Variants in DYNC1H1 observed in about 807,000 individuals in gnomAD.
DYNC1H1 encodes dynein cytoplasmic 1 heavy chain 1.
In DYNC1H1, 51 loss-of-function variants were observed where a neutral mutation model predicts 527.1. The ratio of observed to expected loss-of-function variants is 0.10; its 90% CI spans 0.08 to 0.12. DYNC1H1 has a LOEUF of 0.12. DYNC1H1 is among the 10% of genes least tolerant of loss of function. DYNC1H1 has a pLI of 1.00. For missense variants in DYNC1H1, 2,771 were observed against 5,971.8 expected, an observed-to-expected ratio of 0.46 and a Z score of 17.66; for synonymous variants, 2,189 against 2,278.8, an observed-to-expected ratio of 0.96 and a Z score of 1.12.
intron 1 of DYNC1H1, among the ~76,000 whole-genome samples, chr14:101,972,835 A>G (rs923839856): frequency 5.3e-5 from 8 of 152,190 alleles, no homozygotes; most frequent in Non-Finnish European, 1.2e-4. Flanking sequence ...TTTTGATGGC[A>G]TATTTTATAT....
At position 102,039,203 on chromosome 14, in the gene DYNC1H1, G is replaced by T. The variant is rs17512783; in HGVS notation, c.11409G>T (p.Pro3803=). ...AGACCGTGTCCCAGCAGTACCTCCC[G>T]CTCTCCACCGCCTGCAGCAGCATCT... is the stretch of plus-strand genomic sequence containing the variant. ...EVETVSQQYL[P]LSTACSSIYF... Residue 3803 remains proline (P), a synonymous_variant, in exon 60 of 78, where the codon CCG becomes CCT. Coordinates refer to ENST00000360184, the MANE Select transcript of DYNC1H1 (RefSeq NM_001376.5). This position sits in a 1 kb window ranked among gnomAD's most constrained non-coding sequence, Gnocchi z 7.0. 37 of 1,613,922 alleles carry T rather than the reference G, an allele frequency of 2.3e-5. No homozygotes were observed. The highest frequency in any genetic ancestry group is 1.0e-5 in the Non-Finnish European group (12 of 1,180,026).
At chr14:102,007,519 CA>C (rs1427633931) in intron 28 of DYNC1H1, among the ~76,000 whole-genome samples, 12 of 152,156 alleles carry the variant, frequency 7.9e-5, no homozygotes, top group Non-Finnish European at 1.6e-4. Flanking sequence ...TTACATCTGT[CA>C]TGATAACGGC....
rs184850570 is a variant in DYNC1H1, at chr14:102,050,801, C to T, written c.*238C>T. On this transcript the variant is annotated 3_prime_UTR_variant, in exon 78 of 78. Transcript: ENST00000360184. ...TAAAACACTAAGCATGAGCCGGCTC[C>T]GCCTCTTCTGTCTCCGCTTTCATCC... The T allele has an allele frequency of 8.8e-5, 48 of 542,862 alleles. No homozygotes were observed. Among genetic ancestry groups the T allele is most frequent in the African/African-American group, 4.0e-4 (21 of 52,544 alleles). The allele number at this position is 542,862 out of a possible 1,614,324, so 33.6% of individuals were successfully genotyped here.
Position 101,985,636 on chromosome 14 carries a change from T to C in DYNC1H1, c.1462-51T>C. The C allele has an allele frequency of 6.2e-7, 1 of 1,607,748 alleles. No homozygotes were observed. Among genetic ancestry groups the C allele is most frequent in the South Asian group, 1.1e-5 (1 of 90,898 alleles). The stretch of plus-strand genomic sequence containing the variant: ...ACTGCACCCGGCTTAAAATAAATTT[T>C]AAAGCCTTCGTTTGGTCAGCATTTC... On this transcript the variant is annotated intron_variant, in intron 7 of 77. Transcript: ENST00000360184. The surrounding 1 kb of genome is among the most constrained non-coding windows in gnomAD (Gnocchi z 5.9).
intron 55 of DYNC1H1, 64 bp downstream of exon 55, chr14:102,034,252 C>A: frequency 6.2e-7 from 1 of 1,614,152 alleles, no homozygotes; most frequent in Non-Finnish European, 8.5e-7. Flanking sequence ...GTGTTTAGTG[C>A]ACAGTTAGAG....
chr14:102,022,129 C>CT (rs1396570710), intron 42 of DYNC1H1, among the ~76,000 whole-genome samples: 2 of 151,186 alleles, frequency 1.3e-5, no homozygotes, highest in East Asian at 3.9e-4. Flanking sequence ...GAGTGAGACT[C>CT]TGTAAGTAAG....
chr14:102,050,243 C>T lies in DYNC1H1; in HGVS notation c.13812+45C>T, dbSNP rs371540834. 57 of 1,613,676 alleles carry T rather than the reference C, an allele frequency of 3.5e-5. No individual in the cohort carries two copies. The highest frequency in any genetic ancestry group is 3.3e-4 in the Middle Eastern group (2 of 6,060). On this transcript the variant is annotated intron_variant, in intron 77 of 77. Transcript: ENST00000360184. The stretch of plus-strand genomic sequence containing the variant: ...CCCAGGCATTCTGCAGGGACCCCTG[C>T]GGTAACAAGGGCAGAGGCGGCTCCT...
At chr14:102,047,349 A>G (rs183562103) in intron 72 of DYNC1H1, among the ~76,000 whole-genome samples, 1 of 152,058 alleles carries the variant, frequency 6.6e-6, no homozygotes, top group East Asian at 1.9e-4. Context: ...CCTGGCCAGC[A>G]TGGTGAAACC....
chr14:102,005,375 G>A lies in DYNC1H1; in HGVS notation c.5433+139G>A. Reference sequence around the variant, plus strand: ...GGATGGTGTATGGATATCCTCTGAGGGTGGGCATTTGGCTCCCTGTCCCTG... The same window carrying A: ...GGATGGTGTATGGATATCCTCTGAGAGTGGGCATTTGGCTCCCTGTCCCTG... On this transcript the variant is annotated intron_variant, in intron 26 of 77. Transcript: ENST00000360184. The surrounding 1 kb of genome is among the most constrained non-coding windows in gnomAD (Gnocchi z 4.0). 1 of 1,236,260 alleles carries A rather than the reference G, an allele frequency of 8.1e-7. No individual in the cohort carries two copies. Among genetic ancestry groups the A allele is most frequent in the Admixed American group, 1.7e-5 (1 of 59,364 alleles). The allele number at this position is 1,236,260 out of a possible 1,614,324, so 76.6% of individuals were successfully genotyped here.
In DYNC1H1 at chr14:101,997,366, T is replaced by C; in HGVS notation, c.3804+92T>C. On this transcript the variant is annotated intron_variant, in intron 16 of 77. Coordinates refer to ENST00000360184, the MANE Select transcript of DYNC1H1 (RefSeq NM_001376.5). The surrounding 1 kb of genome is among the most constrained non-coding windows in gnomAD (Gnocchi z 4.8). ...CAAGCCTAAAAGGCCTTGCTGTGAC[T>C]GAGCTTTCTAGTATTGAAGACTCTT... The C allele has an allele frequency of 6.3e-7, 1 of 1,595,592 alleles. No individual in the cohort carries two copies. The highest frequency in any genetic ancestry group is 8.5e-7 in the Non-Finnish European group (1 of 1,171,558).
chr14:102,000,573 CTTT>C (rs11381677), intron 18 of DYNC1H1, 174 bp downstream of exon 18: 1,790 of 414,438 alleles, frequency 4.3e-3, no homozygotes, highest in East Asian at 5.8e-3. Context: ...ATTTTGAAAC[CTTT>C]TTTTTTTTTT....
chr14:101,980,330 G>A lies in DYNC1H1; in HGVS notation c.775-34G>A, dbSNP rs1225742146. On this transcript the variant is annotated intron_variant, in intron 4 of 77. Transcript: ENST00000360184. ...ATATCTATTCTACCTTGTTTAAATA[G>A]TGAATACCCTTGGGTGTTATTTTAT... is the stretch of plus-strand genomic sequence containing the variant. 3 of 1,611,064 alleles carry A rather than the reference G, an allele frequency of 1.9e-6. No homozygotes were observed. The African/African-American group carries it at 4.0e-5, about 22-fold the overall frequency.
chr14:101,994,263 C>T lies in DYNC1H1; in HGVS notation c.3095C>T (p.Ala1032Val). ...ALTRMPDGPV[A>V]LEESYSAVMG... ...ACACGGATGCCTGATGGCCCTGTTG[C>T]CCTGGAAGAGTCGTATTCTGCTGTC... Residue 1032 changes from alanine (A) to valine (V), a missense_variant, in exon 12 of 78, where the codon GCC becomes GTC. By Grantham distance (64) the Ala-to-Val change is moderately conservative. This residue lies in a region of DYNC1H1 where 179 missense variants were observed against 349.4 expected (regional missense o/e 0.51). Coordinates refer to ENST00000360184, the MANE Select transcript of DYNC1H1 (RefSeq NM_001376.5). The T allele has an allele frequency of 1.2e-6, 2 of 1,614,136 alleles. No homozygotes were observed. The highest frequency in any genetic ancestry group is 1.7e-6 in the Non-Finnish European group (2 of 1,180,030).
intron 72 of DYNC1H1, among the ~76,000 whole-genome samples, chr14:102,045,584 T>C (rs1252763574): frequency 1.3e-5 from 2 of 151,790 alleles, no homozygotes; most frequent in Non-Finnish European, 2.9e-5. Flanking sequence ...GCACTCCAGC[T>C]TGGGCAACAG....
intron 52 of DYNC1H1, 85 bp downstream of exon 52, chr14:102,032,552 A>G: frequency 6.4e-7 from 1 of 1,560,534 alleles, no homozygotes; most frequent in Non-Finnish European, 8.8e-7. Context: ...CTCCAATCCC[A>G]GAACTTTCGG....
In DYNC1H1 at chr14:102,042,960, G is replaced by T; in HGVS notation, c.12513+212G>T. 1 of 616,590 alleles carries T rather than the reference G, an allele frequency of 1.6e-6. No individual in the cohort carries two copies. Among genetic ancestry groups the T allele is most frequent in the Non-Finnish European group, 2.9e-6 (1 of 341,514 alleles). The allele number at this position is 616,590 out of a possible 1,614,324, so 38.2% of individuals were successfully genotyped here. ...CTAGCACTTTGGAAGGTCGAGGTGG[G>T]AGGATCACTTGAGCCCAGGAGTTCA... is the stretch of plus-strand genomic sequence containing the variant. On this transcript the variant is annotated intron_variant, in intron 69 of 77. Transcript: ENST00000360184. The surrounding 1 kb of genome is among the most constrained non-coding windows in gnomAD (Gnocchi z 5.7).
chr14:102,056,183 C>T lies in DYNC1H1; in HGVS notation c.*5620C>T, dbSNP rs1167582878. 1 of 152,176 alleles carries T rather than the reference C, an allele frequency of 6.6e-6. No homozygotes were observed. Among genetic ancestry groups the T allele is most frequent in the Non-Finnish European group, 1.5e-5 (1 of 68,038 alleles). The allele number at this position is 152,176 out of a possible 1,614,324, so 9.4% of individuals were successfully genotyped here. ...TAAAAATCAGCTCATGACTTAGAAC[C>T]CGATGTTACCCATAGATTTCAGGCA... On this transcript the variant is annotated 3_prime_UTR_variant, in exon 78 of 78. Coordinates refer to ENST00000360184, the MANE Select transcript of DYNC1H1 (RefSeq NM_001376.5).
chr14:101,995,630 A>C (rs1461788674), intron 15 of DYNC1H1, among the ~76,000 whole-genome samples: 1 of 151,238 alleles, frequency 6.6e-6, no homozygotes, highest in African/African-American at 2.4e-5. Flanking sequence ...AAAAAAAATT[A>C]CACTAGATCT....
At chr14:101,992,144 C>T (rs1216305968) in intron 11 of DYNC1H1, among the ~76,000 whole-genome samples, 2 of 152,162 alleles carry the variant, frequency 1.3e-5, no homozygotes, top group African/African-American at 4.8e-5. Flanking sequence ...AAAAGGAAAT[C>T]TCAAAAGACC....
Sources: allele counts gnomAD v4.1 joint callset (sites outside exome capture counted in the v4.1 genomes callset), GRCh38; gene constraint gnomAD v4.1.1; regional missense constraint gnomAD v4.1.1; non-coding constraint Gnocchi (gnomAD v3.1); transcripts MANE v1.5; gene names NCBI Gene and HGNC (gene_info 2026-07-23, HGNC 2026-07-21).